Variants in MYRIP observed in about 807,000 individuals in gnomAD.
MYRIP encodes rab effector MyRIP.
In MYRIP, 49 loss-of-function variants were observed where a neutral mutation model predicts 98.0. The observed-to-expected ratio is 0.50, with a 90% CI of 0.40 to 0.63. The LOEUF (loss-of-function observed/expected upper bound fraction) is 0.63, where lower values mean the gene tolerates loss of function less well. Ranked by LOEUF, MYRIP falls within the 30% of genes least tolerant of loss-of-function variation. The pLI is 0.00. For synonymous variants in MYRIP, 404 were observed against 409.5 expected, an observed-to-expected ratio of 0.99 and a Z score of 0.16; for missense variants, 1,004 against 1,058.2, an observed-to-expected ratio of 0.95 and a Z score of 0.71.
intron 2 of MYRIP, among the ~76,000 whole-genome samples, chr3:39,904,767 T>A (rs1943836868): frequency 2.6e-5 from 4 of 150,956 alleles, no homozygotes. Context: ...CTGCTGTGTG[T>A]AGGTAGTCAC....
At chr3:39,857,106 G>A (rs1015305204) in intron 1 of MYRIP, among the ~76,000 whole-genome samples, 1 of 151,972 alleles carries the variant, frequency 6.6e-6, no homozygotes, top group African/African-American at 2.4e-5. Flanking sequence ...CCAGCTACTT[G>A]GGAGGCTGAA....
Position 40,169,945 on chromosome 3 carries a change from C to T in MYRIP, c.730-5C>T. Reference sequence around the variant, plus strand: ...CTTGCCCCTTTTTTGTCCTCCCCTCCCCAGATTATACGAAAACAGAAGAGC... The same window carrying T: ...CTTGCCCCTTTTTTGTCCTCCCCTCTCCAGATTATACGAAAACAGAAGAGC... On this transcript the variant is annotated splice_polypyrimidine_tract_variant and splice_region_variant and intron_variant, in intron 7 of 16. Transcript: ENST00000302541. The T allele has an allele frequency of 6.2e-7, 1 of 1,614,154 alleles. No individual in the cohort carries two copies. The highest frequency in any genetic ancestry group is 1.3e-5 in the African/African-American group (1 of 75,044).
At chr3:40,171,510 G>A (rs1020474310) in intron 8 of MYRIP, among the ~76,000 whole-genome samples, 1 of 152,178 alleles carries the variant, frequency 6.6e-6, no homozygotes, top group African/African-American at 2.4e-5. Context: ...AACTCAAAGT[G>A]TCAAGTCTTG....
chr3:40,256,976 G>A (rs146418988), intron 16 of MYRIP, among the ~76,000 whole-genome samples: 254 of 152,220 alleles, frequency 1.7e-3, no homozygotes, highest in Admixed American at 2.7e-3. Context: ...TACTTCTTCA[G>A]AGATGAAGAA....
intron 1 of MYRIP, among the ~76,000 whole-genome samples, chr3:39,897,585 C>T (rs552099180): frequency 1.3e-5 from 2 of 152,252 alleles, no homozygotes; most frequent in African/African-American, 4.8e-5. Flanking sequence ...GCTTCTCTCT[C>T]CTGGGACTGA....
At chr3:39,886,366 A>G (rs1374051323) in intron 1 of MYRIP, among the ~76,000 whole-genome samples, 1 of 151,198 alleles carries the variant, frequency 6.6e-6, no homozygotes, top group Admixed American at 6.6e-5. Context: ...AATGGACTAA[A>G]TGCTCCAATT....
intron 2 of MYRIP, among the ~76,000 whole-genome samples, chr3:39,993,280 C>T (rs1445506830): frequency 6.6e-6 from 1 of 152,228 alleles, no homozygotes; most frequent in African/African-American, 2.4e-5. Context: ...GGCCTAATCA[C>T]CTCTTAGAGG....
chr3:40,076,074 G>A (rs1308581377), intron 3 of MYRIP, among the ~76,000 whole-genome samples: 1 of 152,122 alleles, frequency 6.6e-6, no homozygotes, highest in African/African-American at 2.4e-5. Context: ...GCATAGTGGT[G>A]CATGCCTGTA....
intron 1 of MYRIP, among the ~76,000 whole-genome samples, chr3:39,832,573 A>G (rs572720214): frequency 1.4e-3 from 214 of 152,340 alleles, no homozygotes; most frequent in African/African-American, 4.7e-3. Context: ...CGTAACACTC[A>G]TTTCTTAAGT....
intron 2 of MYRIP, among the ~76,000 whole-genome samples, chr3:40,033,400 A>T (rs1387204348): frequency 2.6e-5 from 4 of 152,102 alleles, no homozygotes; most frequent in African/African-American, 7.2e-5. Context: ...ATGTACAAAA[A>T]TCACAAGCAT....
chr3:40,166,413 A>G lies in MYRIP; in HGVS notation c.551-433A>G, dbSNP rs192898853. ...AATATGATCAATTCTTGCTCTGTGA[A>G]AATGACCTGTGGGAAGGGGCCGGGG... On this transcript the variant is annotated intron_variant, in intron 5 of 16. Transcript: ENST00000302541. Among the ~76,000 whole-genome samples, 123 of 152,312 alleles carry G rather than the reference A, an allele frequency of 8.1e-4. 2 individuals are homozygous for G. The East Asian group carries it at 0.018, about 22-fold the overall frequency.
chr3:40,132,806 A>G (rs1012771912), intron 3 of MYRIP, among the ~76,000 whole-genome samples: 1 of 152,244 alleles, frequency 6.6e-6, no homozygotes, highest in Admixed American at 6.5e-5. Flanking sequence ...GAAGATGGGC[A>G]TGGCATCCAG....
chr3:39,886,253 A>T (rs1943300043), intron 1 of MYRIP, among the ~76,000 whole-genome samples: 2 of 151,246 alleles, frequency 1.3e-5, no homozygotes, highest in Non-Finnish European at 2.9e-5. Flanking sequence ...TATAAAGACC[A>T]TCGAGACTAG....
At chr3:40,132,428 G>T (rs998675920) in intron 3 of MYRIP, among the ~76,000 whole-genome samples, 6 of 152,048 alleles carry the variant, frequency 3.9e-5, no homozygotes, top group African/African-American at 1.5e-4. Context: ...CTGCCCACCT[G>T]AGCTCCTAAA....
intron 3 of MYRIP, among the ~76,000 whole-genome samples, chr3:40,107,129 T>C (rs966830544): frequency 6.6e-6 from 1 of 152,216 alleles, no homozygotes; most frequent in East Asian, 1.9e-4. Flanking sequence ...GGGCAGCCAA[T>C]TGTGATGGCT....
chr3:39,888,067 T>C (rs987764888), intron 1 of MYRIP, among the ~76,000 whole-genome samples: 15 of 151,676 alleles, frequency 9.9e-5, no homozygotes, highest in Non-Finnish European at 1.9e-4. Flanking sequence ...TGCTCATGGG[T>C]AGGAAGAATC....
At chr3:39,935,266 A>G (rs915778842) in intron 2 of MYRIP, among the ~76,000 whole-genome samples, 1 of 152,182 alleles carries the variant, frequency 6.6e-6, no homozygotes, top group Non-Finnish European at 1.5e-5. Flanking sequence ...GGGTGTGTTC[A>G]GGTGGGGAGG....
intron 10 of MYRIP, among the ~76,000 whole-genome samples, chr3:40,192,060 T>C (rs1405597922): frequency 1.3e-5 from 2 of 151,344 alleles, no homozygotes; most frequent in East Asian, 2.0e-4. Flanking sequence ...CTCCACTAGG[T>C]GGGGATGGTG....
In MYRIP at chr3:40,182,279, G is replaced by T. The variant is rs1259914372; in HGVS notation, c.933G>T (p.Glu311Asp). The change falls in exon 9 of 17, where the codon GAG (glutamate) becomes GAT (aspartate). Residue 311 changes from glutamate to aspartate, a missense_variant. Glu to Asp is a conservative substitution (Grantham distance 45, BLOSUM62 2). Transcript: ENST00000302541. ...AAGCCCTGAAGACCCCTCCAGTGGA[G>T]GCTCCATCGAGGCAGCCAAGGGACC... is the stretch of plus-strand genomic sequence containing the variant. ...GEEALKTPPV[E>D]APSRQPRDQG... is the part of the protein sequence containing the mutation. The T allele has an allele frequency of 6.2e-7, 1 of 1,613,842 alleles. No homozygotes were observed. The highest frequency in any genetic ancestry group is 2.2e-5 in the East Asian group (1 of 44,858).
Sources: allele counts gnomAD v4.1 joint callset (sites outside exome capture counted in the v4.1 genomes callset), GRCh38; gene constraint gnomAD v4.1.1; transcripts MANE v1.5; gene names NCBI Gene and HGNC (gene_info 2026-07-23, HGNC 2026-07-21).